MCM9: variants seen among roughly 807,000 people sequenced by gnomAD.
MCM9 encodes minichromosome maintenance 9 homologous recombination repair factor.
A neutral mutation model predicts 72.8 loss-of-function variants in MCM9; 55 were observed. That is an observed-to-expected ratio of 0.76 (90% CI 0.61 to 0.95). The LOEUF (loss-of-function observed/expected upper bound fraction) is 0.95. Among genes scored for constraint, MCM9 ranks in the 40% least tolerant of loss-of-function variants. The probability of loss-of-function intolerance (pLI) is 0.00; values close to 1 mark genes in which losing one functional copy is unlikely to be tolerated. For synonymous variants in MCM9, 480 were observed against 503.4 expected, an observed-to-expected ratio of 0.95 and a Z score of 0.62; for missense variants, 1,279 against 1,377.0, an observed-to-expected ratio of 0.93 and a Z score of 1.13.
At chr6:118,905,634 C>A (rs745886885) in intron 8 of MCM9, 2 of 1,574,658 alleles carry the variant, frequency 1.3e-6, no homozygotes, top group South Asian at 2.4e-5. Context: ...TGTTTCTTTT[C>A]TTTTTAATTT....
intron 8 of MCM9, chr6:118,909,031 C>T (rs1277514668): frequency 6.6e-6 from 1 of 152,240 alleles, no homozygotes; most frequent in East Asian, 1.9e-4. Flanking sequence ...AAATATTGTC[C>T]ATTAACTAGT....
intron 8 of MCM9, chr6:118,911,407 A>G (rs1780536032): frequency 8.1e-7 from 1 of 1,231,834 alleles, no homozygotes; most frequent in Non-Finnish European, 1.0e-6. Context: ...GTATGAAGGT[A>G]ATCACTAGAG....
chr6:118,818,203 C>T (rs1773536010), intron 13 of MCM9, among the ~76,000 whole-genome samples: 1 of 152,136 alleles, frequency 6.6e-6, no homozygotes, highest in African/African-American at 2.4e-5. Context: ...AGTCTTTGCC[C>T]ATGCCTATGT....
chr6:118,895,487 AAAAT>A (rs1779330764), intron 8 of MCM9, among the ~76,000 whole-genome samples: 1 of 152,228 alleles, frequency 6.6e-6, no homozygotes, highest in African/African-American at 2.4e-5. Flanking sequence ...GTTGAAATCT[AAAAT>A]AACTCCACAT....
Position 118,925,952 on chromosome 6 carries a change from C to A in MCM9, c.305-1825G>T, listed in dbSNP as rs966583608. On this transcript the variant is annotated intron_variant, in intron 3 of 13. Coordinates refer to ENST00000619706, the MANE Select transcript of MCM9 (RefSeq NM_017696.3). ...AAAAAAGCAAGATATAATTCACATG[C>A]CATAAAATTTACCCTATAAAGTAGA... is the stretch of plus-strand genomic sequence containing the variant. Among the ~76,000 whole-genome samples, 11 of 152,132 alleles carry A rather than the reference C, an allele frequency of 7.2e-5. No individual in the cohort carries two copies. In the East Asian group the frequency reaches 1.2e-3, roughly 16 times the overall value.
intron 8 of MCM9, among the ~76,000 whole-genome samples, chr6:118,887,723 T>C (rs1275819169): frequency 6.6e-6 from 1 of 151,870 alleles, no homozygotes; most frequent in Non-Finnish European, 1.5e-5. Context: ...TTGCAAATCA[T>C]GTGTTTGACA....
intron 9 of MCM9, among the ~76,000 whole-genome samples, chr6:118,843,005 G>T (rs553792354): frequency 6.6e-5 from 10 of 152,276 alleles, no homozygotes; most frequent in Non-Finnish European, 1.0e-4. Context: ...GATTCAAGAA[G>T]ACCTATATTT....
At chr6:118,932,972 G>A (rs1285965553) in intron 1 of MCM9, among the ~76,000 whole-genome samples, 2 of 152,134 alleles carry the variant, frequency 1.3e-5, no homozygotes, top group South Asian at 2.1e-4. Flanking sequence ...CCAATTCAAT[G>A]TCCATTTCCT....
intron 9 of MCM9, among the ~76,000 whole-genome samples, chr6:118,843,354 T>C (rs36149127): frequency 0.97 from 147,658 of 151,470 alleles, 72,089 homozygotes; most frequent in East Asian, 1. Context: ...TCTGGCTGGG[T>C]GCAGTGGCTC....
At chr6:118,903,156 CAAT>C (rs1779920939) in intron 8 of MCM9, among the ~76,000 whole-genome samples, 1 of 152,088 alleles carries the variant, frequency 6.6e-6, no homozygotes, top group Non-Finnish European at 1.5e-5. Flanking sequence ...TGAAGGGAAC[CAAT>C]TTACTGAAGG....
At chr6:118,906,168 G>T (rs937231767) in intron 8 of MCM9, among the ~76,000 whole-genome samples, 6 of 152,158 alleles carry the variant, frequency 3.9e-5, no homozygotes, top group Non-Finnish European at 7.3e-5. Flanking sequence ...TGCCTCCTAG[G>T]TTCAAGCGAT....
chr6:118,819,755 T>G (rs1307147543), intron 13 of MCM9, among the ~76,000 whole-genome samples: 1 of 152,164 alleles, frequency 6.6e-6, no homozygotes, highest in Non-Finnish European at 1.5e-5. Context: ...GGTCCTGGAC[T>G]TTTTTTGGTT....
intron 9 of MCM9, among the ~76,000 whole-genome samples, chr6:118,848,525 CCGTCTA>C (rs1562409228): frequency 6.6e-6 from 1 of 151,844 alleles, no homozygotes; most frequent in Non-Finnish European, 1.5e-5. Context: ...TACAGTTATA[CCGTCTA>C]CATCAGCAGA....
intron 8 of MCM9, among the ~76,000 whole-genome samples, chr6:118,909,824 A>G (rs1362120275): frequency 6.6e-6 from 1 of 152,208 alleles, no homozygotes; most frequent in Admixed American, 6.5e-5. Context: ...TCCATGGTAT[A>G]AAAAACTTAG....
intron 8 of MCM9, among the ~76,000 whole-genome samples, chr6:118,879,237 G>A: frequency 1.2e-5 from 1 of 83,950 alleles, no homozygotes. Flanking sequence ...AAGGTTGTTA[G>A]AATGGAGGGG....
intron 8 of MCM9, among the ~76,000 whole-genome samples, chr6:118,865,233 G>C (rs1447035346): frequency 6.6e-6 from 1 of 152,064 alleles, no homozygotes; most frequent in African/African-American, 2.4e-5. Flanking sequence ...AGTTTTATAT[G>C]GGCATGTAGG....
At chr6:118,884,001 T>C (rs1053690218) in intron 8 of MCM9, among the ~76,000 whole-genome samples, 1 of 152,214 alleles carries the variant, frequency 6.6e-6, no homozygotes, top group East Asian at 1.9e-4. Context: ...TATAATTGTA[T>C]TGTTGGGCCT....
rs553733115 is a variant in MCM9, at chr6:118,850,726, G to T, written c.1325+5645C>A. 5.5e-4 allele frequency among the ~76,000 whole-genome samples: 84 copies of T among 151,824 alleles called. 1 individual carries two copies. Among genetic ancestry groups the T allele is most frequent in the African/African-American group, 1.9e-3 (80 of 41,146 alleles). Reference sequence around the variant, plus strand: ...TATTGGAAGCATCTGCTCCGCCTGGGGGTTCTTGTTTCAGGCCACATTCTC... The same window carrying T: ...TATTGGAAGCATCTGCTCCGCCTGGTGGTTCTTGTTTCAGGCCACATTCTC... On this transcript the variant is annotated intron_variant, in intron 9 of 13. Transcript: ENST00000619706.
intron 9 of MCM9, among the ~76,000 whole-genome samples, chr6:118,834,356 A>C (rs1287285793): frequency 6.6e-6 from 1 of 152,210 alleles, no homozygotes; most frequent in Non-Finnish European, 1.5e-5. Flanking sequence ...AATGATTCAT[A>C]ATCCTTTGGG....
Sources: gnomAD v4.1 joint callset for allele counts (sites outside exome capture counted in the v4.1 genomes callset) on GRCh38, gnomAD v4.1.1 for gene constraint, MANE v1.5 for transcripts, NCBI Gene and HGNC (gene_info 2026-07-23, HGNC 2026-07-21) for gene names.